Variants in TMEM216 observed in about 807,000 individuals in gnomAD.
The protein encoded by TMEM216 is cerebello-oculo-renal syndrome 2.
A neutral mutation model predicts 17.8 loss-of-function variants in TMEM216; 15 were observed. The ratio of observed to expected loss-of-function variants is 0.84; its 90% CI spans 0.56 to 1.30. The LOEUF (loss-of-function observed/expected upper bound fraction) is 1.30, where lower values mean the gene tolerates loss of function less well. TMEM216 is among the 50% of genes most tolerant of loss of function. The pLI, the probability that TMEM216 is intolerant of heterozygous loss-of-function variation, is 0.00. For missense variants in TMEM216, 160 were observed against 175.7 expected (o/e 0.91, Z 0.51); for synonymous variants, 58 against 73.5 (o/e 0.79, Z 1.08).
intron 3 of TMEM216, 147 bp downstream of exon 3, chr11:61,394,123 C>T (rs1003245912): frequency 7.2e-6 from 5 of 692,570 alleles, no homozygotes; most frequent in Non-Finnish European, 1.3e-5. Flanking sequence ...TTTCAAGTTG[C>T]TGCTTCATAC....
At chr11:61,396,870 G>A (rs1231694738) in intron 3 of TMEM216, among the ~76,000 whole-genome samples, 1 of 151,338 alleles carries the variant, frequency 6.6e-6, no homozygotes, top group Admixed American at 6.6e-5. Context: ...GGGGTTCGAG[G>A]CTGCAGTGAG....
chr11:61,394,555 G>A (rs1858757227), intron 3 of TMEM216, among the ~76,000 whole-genome samples: 1 of 151,574 alleles, frequency 6.6e-6, no homozygotes, highest in African/African-American at 2.4e-5. Context: ...TTTTAATAGA[G>A]ACGGGGTTTC....
chr11:61,398,430 A>C lies in TMEM216; in HGVS notation c.*154A>C, dbSNP rs1247880767. 4.0e-6 allele frequency: 3 copies of C among 750,892 alleles called. No homozygotes were observed. The highest frequency in any genetic ancestry group is 6.6e-6 in the Non-Finnish European group (3 of 454,924). The allele number at this position is 750,892 out of a possible 1,614,324, so 46.5% of individuals were successfully genotyped here. ...CAGACATTTGGGCAAGCAACTCAGC[A>C]TAAGGCCAGTGGGTACCATCTTCTA... On this transcript the variant is annotated 3_prime_UTR_variant, in exon 5 of 5. Coordinates refer to ENST00000515837, the MANE Select transcript of TMEM216 (RefSeq NM_001173990.3).
chr11:61,398,345 A>T lies in TMEM216; in HGVS notation c.*69A>T. 1 of 1,545,880 alleles carries T rather than the reference A, an allele frequency of 6.5e-7. No individual in the cohort carries two copies. The highest frequency in any genetic ancestry group is 8.9e-7 in the Non-Finnish European group (1 of 1,127,506). ...ATATTGCTTCTGGTACTTTAGCCAC[A>T]CCAGTGAGAATTGGTGGGGCAAGTT... On this transcript the variant is annotated 3_prime_UTR_variant, in exon 5 of 5. Transcript: ENST00000515837.
rs921739777 is a variant in TMEM216 at position 61,393,935 on chromosome 11, T to C, written c.188T>C (p.Leu63Pro). 2 of 1,614,020 alleles carry C rather than the reference T, an allele frequency of 1.2e-6. No individual in the cohort carries two copies. Among genetic ancestry groups the C allele is most frequent in the South Asian group, 2.2e-5 (2 of 91,090 alleles). ...AACCTAGTACTGGATGTGGTGATGC[T>C]CCTCCTTTATCTTGGAATTGAAGTA... ...TANLVLDVVM[L>P]LLYLGIEVIR... Residue 63 changes from leucine (L) to proline (P), a missense_variant, in exon 3 of 5, where the codon CTC becomes CCC. By Grantham distance (98) the Leu-to-Pro change is moderately conservative (BLOSUM62 -3). Coordinates refer to ENST00000515837, the MANE Select transcript of TMEM216 (RefSeq NM_001173990.3).
Position 61,398,345 on chromosome 11 carries a change from A to G in TMEM216, c.*69A>G. 1 of 1,545,882 alleles carries G rather than the reference A, an allele frequency of 6.5e-7. No homozygotes were observed. The highest frequency in any genetic ancestry group is 8.9e-7 in the Non-Finnish European group (1 of 1,127,508). ...ATATTGCTTCTGGTACTTTAGCCAC[A>G]CCAGTGAGAATTGGTGGGGCAAGTT... On this transcript the variant is annotated 3_prime_UTR_variant, in exon 5 of 5. Coordinates refer to ENST00000515837, the MANE Select transcript of TMEM216 (RefSeq NM_001173990.3).
Sources: allele counts gnomAD v4.1 joint callset (sites outside exome capture counted in the v4.1 genomes callset), GRCh38; gene constraint gnomAD v4.1.1; transcripts MANE v1.5; gene names NCBI Gene and HGNC (gene_info 2026-07-23, HGNC 2026-07-21).